CACNA1A: variants seen among roughly 807,000 people sequenced by gnomAD.
CACNA1A encodes the protein voltage-dependent P/Q-type calcium channel subunit alpha-1A.
A neutral mutation model predicts 262.4 loss-of-function variants in CACNA1A; 57 were observed. That is an observed-to-expected ratio of 0.22 (90% CI 0.18 to 0.27). The LOEUF (loss-of-function observed/expected upper bound fraction) is 0.27, where lower values mean the gene tolerates loss of function less well. Ranked by LOEUF, CACNA1A falls within the 10% of genes least tolerant of loss-of-function variation. The probability of loss-of-function intolerance (pLI) is 1.00; values close to 1 mark genes in which losing one functional copy is unlikely to be tolerated. For missense variants in CACNA1A, 2,526 were observed against 3,562.8 expected (o/e 0.71, Z 7.41); for synonymous variants, 1,431 against 1,419.3 (o/e 1.01, Z -0.18).
At chr19:13,213,929 TC>T (rs1379874728) in intron 40 of CACNA1A, 1 of 319,812 alleles carries the variant, frequency 3.1e-6, no homozygotes, top group African/African-American at 2.1e-5. Flanking sequence ...CAAGTGATCC[TC>T]CCATCTTGGC....
intron 14 of CACNA1A, 56 bp from the exon 15 acceptor site, chr19:13,307,910 GT>G: frequency 6.6e-7 from 1 of 1,506,792 alleles, no homozygotes. Context: ...CTCTGAGGGT[GT>G]GGCTCAGTAT....
chr19:13,287,539 T>C (rs2057431535), intron 19 of CACNA1A, among the ~76,000 whole-genome samples: 1 of 152,094 alleles, frequency 6.6e-6, no homozygotes, highest in Non-Finnish European at 1.5e-5. Context: ...TTCTTTCTTT[T>C]TTCTTGCTCT....
chr19:13,446,610 C>CT (rs528828997), intron 3 of CACNA1A, among the ~76,000 whole-genome samples: 2,482 of 119,948 alleles, frequency 0.021, 78 homozygotes, highest in African/African-American at 0.06. Flanking sequence ...CCATGCCAGG[C>CT]TTTTTTTTTT....
Position 13,214,158 on chromosome 19 carries a change from T to G in CACNA1A, c.5940+75A>C. ...GCCCTGGGGCTCAGCCACCCTCATA[T>G]TCCAGTTGGTTCCCGTGGTGACATG... On this transcript the variant is annotated intron_variant, in intron 40 of 46. Transcript: ENST00000360228. This position sits in a 1 kb window ranked among gnomAD's most constrained non-coding sequence, Gnocchi z 4.1. The G allele has an allele frequency of 8.1e-7, 1 of 1,230,610 alleles. No individual in the cohort carries two copies. Among genetic ancestry groups the G allele is most frequent in the Non-Finnish European group, 1.2e-6 (1 of 866,062 alleles). The allele number at this position is 1,230,610 out of a possible 1,614,324, so 76.2% of individuals were successfully genotyped here.
intron 31 of CACNA1A, among the ~76,000 whole-genome samples, chr19:13,238,892 C>T (rs1016063726): frequency 6.6e-6 from 1 of 151,988 alleles, no homozygotes; most frequent in Admixed American, 6.6e-5. Flanking sequence ...CAGCCTATCT[C>T]CCAGTTTTAA....
At position 13,334,417 on chromosome 19, in the gene CACNA1A, G is replaced by A; in HGVS notation, c.1159C>T (p.Arg387Cys). The change falls in exon 8 of 47, where the codon CGT (arginine) becomes TGT (cysteine). Residue 387 changes from arginine (R) to cysteine (C), a missense_variant. Physicochemically the swap from Arg to Cys is radical, Grantham distance 180 (BLOSUM62 -3). Around this residue, in one of 17 missense-constraint regions of CACNA1A, gnomAD observed 104 missense variants for 127.6 expected, o/e 0.81. Coordinates refer to ENST00000360228, the MANE Select transcript of CACNA1A (RefSeq NM_001127222.2). The stretch of plus-strand genomic sequence containing the variant: ...CACTCCATGTACCCATTGAGCTCAC[G>A]TTCAATCTGTTGTTGCCGCCTCAGC... Reference protein sequence around the residue: ...LKLRRQQQIERELNGYMEWIS... With the variant: ...LKLRRQQQIECELNGYMEWIS... The A allele has an allele frequency of 6.2e-7, 1 of 1,611,646 alleles. No homozygotes were observed. Among genetic ancestry groups the A allele is most frequent in the Non-Finnish European group, 8.5e-7 (1 of 1,177,788 alleles).
At chr19:13,423,495 ATTTTC>A (rs375244296) in intron 3 of CACNA1A, among the ~76,000 whole-genome samples, 92 of 151,794 alleles carry the variant, frequency 6.1e-4, no homozygotes, top group Admixed American at 1.3e-3. Flanking sequence ...CCCAGAGAGA[ATTTTC>A]TTTTCTTTTC....
chr19:13,491,337 G>A (rs779788310), intron 1 of CACNA1A, among the ~76,000 whole-genome samples: 1 of 152,080 alleles, frequency 6.6e-6, no homozygotes, highest in Non-Finnish European at 1.5e-5. Flanking sequence ...AAACTGCCAG[G>A]GCAGTTCTAT....
intron 1 of CACNA1A, among the ~76,000 whole-genome samples, chr19:13,505,630 C>A (rs1982931340): frequency 1.3e-5 from 2 of 152,124 alleles, no homozygotes; most frequent in Admixed American, 6.5e-5. Flanking sequence ...CCCACCAAGG[C>A]TCCTGCACGA....
intron 3 of CACNA1A, among the ~76,000 whole-genome samples, chr19:13,383,903 C>T (rs150928958): frequency 7.6e-4 from 116 of 152,312 alleles, no homozygotes; most frequent in African/African-American, 2.2e-3. Context: ...CGGACTTGAC[C>T]TCTCAGGCTC....
intron 19 of CACNA1A, 41 bp downstream of exon 19, chr19:13,298,503 T>C: frequency 6.7e-7 from 1 of 1,484,322 alleles, no homozygotes; most frequent in Admixed American, 2.0e-5. Context: ...TCATTATTAA[T>C]GTTACCGTCA....
At chr19:13,468,679 TAGG>T (rs1268446486) in intron 1 of CACNA1A, among the ~76,000 whole-genome samples, 1 of 152,012 alleles carries the variant, frequency 6.6e-6, no homozygotes, top group African/African-American at 2.4e-5. Flanking sequence ...CCCAGCTACT[TAGG>T]AGGCTGAGGC....
intron 1 of CACNA1A, among the ~76,000 whole-genome samples, chr19:13,467,602 C>CT: frequency 7.4e-6 from 1 of 134,822 alleles, no homozygotes; most frequent in African/African-American, 3.4e-5. Context: ...CTGACTTTTT[C>CT]TTTTCTTTTT....
At chr19:13,500,462 G>A (rs6511872) in intron 1 of CACNA1A, among the ~76,000 whole-genome samples, 19,699 of 152,144 alleles carry the variant, frequency 0.13, 2,774 homozygotes, top group African/African-American at 0.36. Flanking sequence ...TTATTTCTCT[G>A]ACCGGGATTT....
At chr19:13,283,779 ATTTC>A (rs1306455536) in intron 21 of CACNA1A, 20 of 163,080 alleles carry the variant, frequency 1.2e-4, no homozygotes, top group Admixed American at 5.4e-4. Flanking sequence ...GGTTAAGTAG[ATTTC>A]TTTCTTTCTT....
At chr19:13,462,219 G>A (rs2061136110) in intron 1 of CACNA1A, among the ~76,000 whole-genome samples, 1 of 152,164 alleles carries the variant, frequency 6.6e-6, no homozygotes, top group Admixed American at 6.5e-5. Flanking sequence ...GGTTGGTGCG[G>A]AAATCAAATC....
intron 1 of CACNA1A, among the ~76,000 whole-genome samples, chr19:13,467,447 C>T (rs2061267852): frequency 6.6e-6 from 1 of 152,164 alleles, no homozygotes; most frequent in Admixed American, 6.5e-5. Context: ...CTTCACTGCA[C>T]TCCAGCCTGG....
rs1983036136 is a variant in CACNA1A, at chr19:13,506,288, C to CCGA, written c.-65_-64insTCG. 7 of 1,346,312 alleles carry CCGA rather than the reference C, an allele frequency of 5.2e-6. No homozygotes were observed. The highest frequency in any genetic ancestry group is 2.7e-4 in the Middle Eastern group (1 of 3,708). 83.4% of individuals were successfully genotyped at this position (1,346,312 alleles called of 1,614,324 possible). A position where few individuals can be genotyped will look rare whatever the true frequency, so the allele number is the denominator to read the frequency against. ...AACGATGCGGAAGACGCCGCCGCCG[C>CCGA]CGCCGCCGCCGCTGATGCTGAGGCT... On this transcript the variant is annotated 5_prime_UTR_variant, in exon 1 of 47. Transcript: ENST00000360228.
intron 22 of CACNA1A, among the ~76,000 whole-genome samples, chr19:13,280,940 C>CAAA (rs59445149): frequency 3.0e-4 from 25 of 82,230 alleles, no homozygotes; most frequent in South Asian, 4.1e-4. Context: ...GACTCCATCT[C>CAAA]AAAAAAAAAA....
Sources: allele counts gnomAD v4.1 joint callset (sites outside exome capture counted in the v4.1 genomes callset), GRCh38; gene constraint gnomAD v4.1.1; regional missense constraint gnomAD v4.1.1; non-coding constraint Gnocchi (gnomAD v3.1); transcripts MANE v1.5; gene names NCBI Gene and HGNC (gene_info 2026-07-23, HGNC 2026-07-21).